Variants in BIN1 observed in about 807,000 individuals in gnomAD.
BIN1 encodes the protein myc box-dependent-interacting protein 1.
BIN1 carries 53 observed loss-of-function variants against 82.0 expected under a neutral mutation model. The observed-to-expected ratio is 0.65, with a 90% CI of 0.52 to 0.81. The LOEUF is 0.81. Among genes scored for constraint, BIN1 ranks in the 40% least tolerant of loss-of-function variants. The pLI is 0.00. For missense variants in BIN1, 642 were observed against 784.4 expected (o/e 0.82, Z 2.17); for synonymous variants, 302 against 328.0 (o/e 0.92, Z 0.86).
chr2:127,051,036 C>T, intron 16 of BIN1, 118 bp downstream of exon 16: 2 of 1,519,010 alleles, frequency 1.3e-6, no homozygotes, highest in Non-Finnish European at 1.8e-6. Context: ...CGGCCCGCCT[C>T]CAGCTTCCTC....
rs200878822 is a variant in BIN1 at position 127,059,055 on chromosome 2, C to T, written c.958G>A (p.Gly320Ser). The T allele has an allele frequency of 5.7e-6, 9 of 1,575,568 alleles. No homozygotes were observed. The highest frequency in any genetic ancestry group is 1.9e-5 in the Admixed American group (1 of 53,916). The stretch of plus-strand genomic sequence containing the variant: ...AGGGTGGCCCCGGGCGTGGCCCCGC[C>T]GGCCGGCTCTGGCTCGTGGTTGACT... Reference protein sequence around the residue: ...IRVNHEPEPAGGATPGATLPK... With the variant: ...IRVNHEPEPASGATPGATLPK... Residue 320 changes from glycine (G) to serine (S), a missense_variant, in exon 11 of 19, where the codon GGC becomes AGC. Gly to Ser is a moderately conservative substitution (Grantham distance 56, BLOSUM62 0). Transcript: ENST00000316724. The surrounding 1 kb of genome is among the most constrained non-coding windows in gnomAD (Gnocchi z 6.7).
At chr2:127,092,104 A>C (rs1410981066) in intron 1 of BIN1, among the ~76,000 whole-genome samples, 1 of 144,856 alleles carries the variant, frequency 6.9e-6, no homozygotes, top group African/African-American at 2.6e-5. Flanking sequence ...CCTCCACCAC[A>C]CCCCTACACC....
intron 1 of BIN1, among the ~76,000 whole-genome samples, chr2:127,106,590 C>T (rs2105376164): frequency 6.6e-6 from 1 of 152,294 alleles, no homozygotes; most frequent in African/African-American, 2.4e-5. Flanking sequence ...CCGGCCACTG[C>T]TGTGCAGCCG....
At chr2:127,062,028 C>T in intron 10 of BIN1, 87 bp downstream of exon 10, 1 of 1,472,960 alleles carries the variant, frequency 6.8e-7, no homozygotes. Flanking sequence ...CATGGGGGAC[C>T]AGGGAGGGCA....
intron 10 of BIN1, among the ~76,000 whole-genome samples, chr2:127,060,029 A>G (rs1422489409): frequency 6.6e-6 from 1 of 152,170 alleles, no homozygotes; most frequent in East Asian, 1.9e-4. Flanking sequence ...CAAGTGCTCA[A>G]TAGCCCCATG....
At chr2:127,053,511 T>A in intron 13 of BIN1, 66 bp from the exon 14 acceptor site, 1 of 1,593,126 alleles carries the variant, frequency 6.3e-7, no homozygotes, top group East Asian at 2.3e-5. Context: ...CGGCAAGCAG[T>A]CCCCAGGGAC....
At chr2:127,084,354 C>T (rs17014923) in intron 1 of BIN1, among the ~76,000 whole-genome samples, 30,935 of 152,216 alleles carry the variant, frequency 0.2, 3,396 homozygotes, top group African/African-American at 0.28. Flanking sequence ...TATCGTGAGT[C>T]CTTCGTTTTG....
Position 127,059,533 on chromosome 2 carries a change from G to C in BIN1, c.858-378C>G, listed in dbSNP as rs572281800. ...GCTGACAGCCCAAGATCCACAGCAGGAGAAAGCCAGACATCCTAGAGGCAC... is the reference window on the plus strand; with the variant it reads ...GCTGACAGCCCAAGATCCACAGCAGCAGAAAGCCAGACATCCTAGAGGCAC... On this transcript the variant is annotated intron_variant, in intron 10 of 18. Transcript: ENST00000316724. This position sits in a 1 kb window ranked among gnomAD's most constrained non-coding sequence, Gnocchi z 6.7. Among the ~76,000 whole-genome samples the C allele has an allele frequency of 9.7e-4, 148 of 152,008 alleles. No individual in the cohort carries two copies. The highest frequency in any genetic ancestry group is 1.3e-3 in the Non-Finnish European group (85 of 67,978).
Position 127,057,672 on chromosome 2 carries a change from C to CAG in BIN1, c.1003-73_1003-72dup. 3 of 1,439,794 alleles carry CAG rather than the reference C, an allele frequency of 2.1e-6. No individual in the cohort carries two copies. Among genetic ancestry groups the CAG allele is most frequent in the Non-Finnish European group, 2.7e-6 (3 of 1,091,998 alleles). 89.2% of individuals were successfully genotyped at this position (1,439,794 alleles called of 1,614,324 possible). A position where few individuals can be genotyped will look rare whatever the true frequency, so the allele number is the denominator to read the frequency against. On this transcript the variant is annotated intron_variant, in intron 11 of 18. Coordinates refer to ENST00000316724, the MANE Select transcript of BIN1 (RefSeq NM_139343.3). This position sits in a 1 kb window ranked among gnomAD's most constrained non-coding sequence, Gnocchi z 5.0. ...GAGCACGGGGTTTGGGGGAGACAGA[C>CAG]AGAGACAAAGCCACGGTTAGTCACA... is the stretch of plus-strand genomic sequence containing the variant.
intron 1 of BIN1, among the ~76,000 whole-genome samples, chr2:127,101,266 G>A (rs1680318382): frequency 6.6e-6 from 1 of 152,150 alleles, no homozygotes; most frequent in African/African-American, 2.4e-5. Flanking sequence ...GGCAGCTTTA[G>A]GAAAACACAA....
Position 127,068,919 on chromosome 2 carries a change from C to T in BIN1, c.519+5G>A. The T allele has an allele frequency of 1.2e-6, 2 of 1,613,788 alleles. No individual in the cohort carries two copies. The highest frequency in any genetic ancestry group is 1.7e-6 in the Non-Finnish European group (2 of 1,179,680). ...ACGCTGCCCCGACCCGCCTCCAGCC[C>T]TTACCTTGGCAATTTTGGCTTCATC... On this transcript the variant is annotated splice_donor_5th_base_variant and intron_variant, in intron 6 of 18. Coordinates refer to ENST00000316724, the MANE Select transcript of BIN1 (RefSeq NM_139343.3). This position sits in a 1 kb window ranked among gnomAD's most constrained non-coding sequence, Gnocchi z 4.9.
rs377651768 is a variant in BIN1 at position 127,082,797 on chromosome 2, A to G, written c.85-6091T>C. Among the ~76,000 whole-genome samples, 3 of 150,286 alleles carry G rather than the reference A, an allele frequency of 2.0e-5. No homozygotes were observed. The highest frequency in any genetic ancestry group is 2.0e-4 in the East Asian group (1 of 5,018). ...CCATCCCCACTCCGACAGTGGAGCC[A>G]CCTAAGCCTGCTCCCCACCTCTGGG... On this transcript the variant is annotated intron_variant, in intron 1 of 18. Transcript: ENST00000316724. The surrounding 1 kb of genome is among the most constrained non-coding windows in gnomAD (Gnocchi z 6.1).
chr2:127,084,690 C>A (rs1034048089), intron 1 of BIN1, among the ~76,000 whole-genome samples: 5 of 152,234 alleles, frequency 3.3e-5, no homozygotes, highest in African/African-American at 1.2e-4. Context: ...AAGAAGCGAC[C>A]GAGCTCAGAT....
chr2:127,085,343 C>A (rs1347376706), intron 1 of BIN1, among the ~76,000 whole-genome samples: 3 of 152,230 alleles, frequency 2.0e-5, no homozygotes, highest in Non-Finnish European at 4.4e-5. Flanking sequence ...CTCAAAGGCA[C>A]AATGACTTTA....
At chr2:127,103,053 G>C (rs1359995158) in intron 1 of BIN1, among the ~76,000 whole-genome samples, 1 of 152,194 alleles carries the variant, frequency 6.6e-6, no homozygotes, top group Non-Finnish European at 1.5e-5. Context: ...GCCTGGGAAG[G>C]GGGCGGGACC....
At position 127,057,690 on chromosome 2, in the gene BIN1, T is replaced by G; in HGVS notation, c.1003-89A>C. On this transcript the variant is annotated intron_variant, in intron 11 of 18. Transcript: ENST00000316724. The surrounding 1 kb of genome is among the most constrained non-coding windows in gnomAD (Gnocchi z 5.0). The stretch of plus-strand genomic sequence containing the variant: ...AGACAGACAGAGACAAAGCCACGGT[T>G]AGTCACACCTCAGGCCACAGTCCCA... The G allele has an allele frequency of 1.6e-5, 22 of 1,410,188 alleles. No homozygotes were observed. The highest frequency in any genetic ancestry group is 2.0e-5 in the Non-Finnish European group (21 of 1,074,206). The allele number at this position is 1,410,188 out of a possible 1,614,324, so 87.4% of individuals were successfully genotyped here. A position where few individuals can be genotyped will look rare whatever the true frequency, so the allele number is the denominator to read the frequency against.
chr2:127,068,869 C>T lies in BIN1; in HGVS notation c.519+55G>A. 3.9e-6 allele frequency: 6 copies of T among 1,534,550 alleles called. No homozygotes were observed. The highest frequency in any genetic ancestry group is 1.1e-5 in the South Asian group (1 of 89,448). On this transcript the variant is annotated intron_variant, in intron 6 of 18. Transcript: ENST00000316724. This position sits in a 1 kb window ranked among gnomAD's most constrained non-coding sequence, Gnocchi z 4.9. ...GCCTCCACCCTCGGGGTCCTAGACA[C>T]CCGCCCTCTCTCAGCCCCCTGCAGA...
At chr2:127,087,480 A>G (rs1239844024) in intron 1 of BIN1, among the ~76,000 whole-genome samples, 1 of 152,226 alleles carries the variant, frequency 6.6e-6, no homozygotes, top group African/African-American at 2.4e-5. Context: ...TGGACCCCAG[A>G]GGAAGCCAGG....
At chr2:127,052,116 C>T (rs1362956590) in intron 15 of BIN1, 139 bp downstream of exon 15, 24 of 962,846 alleles carry the variant, frequency 2.5e-5, no homozygotes, top group South Asian at 2.2e-4. Context: ...GCTGGGGCAG[C>T]CTAGCTCAGG....
Sources: gnomAD v4.1 joint callset for allele counts (sites outside exome capture counted in the v4.1 genomes callset) on GRCh38, gnomAD v4.1.1 for gene constraint, Gnocchi (gnomAD v3.1) non-coding constraint, MANE v1.5 for transcripts, NCBI Gene and HGNC (gene_info 2026-07-23, HGNC 2026-07-21) for gene names.